Variants in USP12 observed in about 807,000 individuals in gnomAD.
The protein encoded by USP12 is ubiquitin specific peptidase 12.
In USP12, 19 loss-of-function variants were observed where a neutral mutation model predicts 45.5. The observed-to-expected ratio is 0.42, with a 90% confidence interval of 0.29 to 0.61. USP12 has a LOEUF of 0.61. Ranked by LOEUF, USP12 falls within the 20% of genes least tolerant of loss-of-function variation. The probability of loss-of-function intolerance (pLI) is 0.22; values close to 1 mark genes in which losing one functional copy is unlikely to be tolerated. For missense variants in USP12, 242 were observed against 447.7 expected, an observed-to-expected ratio of 0.54 and a Z score of 4.15; for synonymous variants, 149 against 148.8, an observed-to-expected ratio of 1.00 and a Z score of -0.01.
chr13:27,089,727 A>C lies in USP12; in HGVS notation c.734+156T>G, dbSNP rs1874228769. On this transcript the variant is annotated intron_variant, in intron 6 of 8. Transcript: ENST00000282344. ...TAAAATAAACATTGAGTAGAATATCATTTACCTAGTAATACTTAATGAACA... is the reference window on the plus strand; with the variant it reads ...TAAAATAAACATTGAGTAGAATATCCTTTACCTAGTAATACTTAATGAACA... The C allele has an allele frequency of 6.0e-6, 4 of 662,324 alleles. No homozygotes were observed. In the East Asian group the frequency reaches 1.1e-4, roughly 18 times the overall value. The allele number at this position is 662,324 out of a possible 1,614,324, so 41.0% of individuals were successfully genotyped here.
intron 3 of USP12, among the ~76,000 whole-genome samples, chr13:27,098,207 T>C (rs1421495725): frequency 6.6e-6 from 1 of 152,126 alleles, no homozygotes; most frequent in East Asian, 1.9e-4. Context: ...TAATTGTTGT[T>C]GCTACTGAAC....
intron 3 of USP12, among the ~76,000 whole-genome samples, chr13:27,101,597 T>C (rs972727670): frequency 2.0e-5 from 3 of 152,186 alleles, no homozygotes; most frequent in African/African-American, 7.2e-5. Context: ...AATTTCATTA[T>C]TAAATAAATG....
chr13:27,115,496 T>C (rs1875684277), intron 2 of USP12, among the ~76,000 whole-genome samples: 1 of 152,146 alleles, frequency 6.6e-6, no homozygotes, highest in African/African-American at 2.4e-5. Flanking sequence ...AGTCCACCAA[T>C]CTGTTCAATA....
At chr13:27,080,089 C>CCCCA (rs1452805203) in intron 6 of USP12, among the ~76,000 whole-genome samples, 4 of 152,136 alleles carry the variant, frequency 2.6e-5, no homozygotes, top group African/African-American at 9.7e-5. Flanking sequence ...TCATGACATA[C>CCCCA]CCCAACATGT....
In USP12 at chr13:27,104,610, AT is replaced by A. The variant is rs531122102; in HGVS notation, c.343+1120del. Among the ~76,000 whole-genome samples the A allele has an allele frequency of 1.8e-4, 28 of 152,370 alleles. No individual in the cohort carries two copies. In the South Asian group the frequency reaches 5.8e-3, roughly 32 times the overall value. ...ATTTTTATGAGCAATTAATCAAATT[AT>A]TCTACATGTGTATGTGGGGAAAATG... On this transcript the variant is annotated intron_variant, in intron 3 of 8. Coordinates refer to ENST00000282344, the MANE Select transcript of USP12 (RefSeq NM_182488.4).
intron 6 of USP12, among the ~76,000 whole-genome samples, chr13:27,081,901 C>A (rs1423285476): frequency 6.6e-6 from 1 of 152,174 alleles, no homozygotes; most frequent in African/African-American, 2.4e-5. Context: ...TAGGTCTCAA[C>A]AGTGAGCTTA....
intron 7 of USP12, among the ~76,000 whole-genome samples, chr13:27,071,877 T>C (rs1873259331): frequency 6.6e-6 from 1 of 152,152 alleles, no homozygotes; most frequent in Non-Finnish European, 1.5e-5. Flanking sequence ...TTAAGTATGG[T>C]TCATTATAAA....
At chr13:27,124,912 C>A (rs1301147335) in intron 1 of USP12, among the ~76,000 whole-genome samples, 1 of 152,194 alleles carries the variant, frequency 6.6e-6, no homozygotes, top group Non-Finnish European at 1.5e-5. Flanking sequence ...ACACATTATA[C>A]AATGAGTTTG....
At chr13:27,096,624 T>C (rs2497962) in intron 3 of USP12, among the ~76,000 whole-genome samples, 11,114 of 152,184 alleles carry the variant, frequency 0.073, 496 homozygotes, top group African/African-American at 0.12. Context: ...TTTGTAAACA[T>C]GAAAATGGGA....
chr13:27,090,218 T>A, intron 4 of USP12, 60 bp from the exon 5 acceptor site: 1 of 1,353,204 alleles, frequency 7.4e-7, no homozygotes, highest in Non-Finnish European at 1.0e-6. Flanking sequence ...CAGTTCCCAA[T>A]TAACAGAATT....
chr13:27,146,995 T>C (rs909660349), intron 1 of USP12, among the ~76,000 whole-genome samples: 1 of 152,200 alleles, frequency 6.6e-6, no homozygotes. Context: ...TGCCTGAGGC[T>C]GCCGGAAGCA....
chr13:27,085,815 A>G (rs530598731), intron 6 of USP12, among the ~76,000 whole-genome samples: 2 of 152,214 alleles, frequency 1.3e-5, no homozygotes, highest in South Asian at 2.1e-4. Context: ...AAAAATCTAA[A>G]TTGTTGGATT....
intron 1 of USP12, among the ~76,000 whole-genome samples, chr13:27,130,343 G>C (rs1876435375): frequency 6.6e-6 from 1 of 152,102 alleles, no homozygotes; most frequent in South Asian, 2.1e-4. Context: ...AGTCATAGCT[G>C]TCCAGAGATA....
intron 1 of USP12, among the ~76,000 whole-genome samples, chr13:27,128,000 A>G (rs190747714): frequency 6.6e-6 from 1 of 152,368 alleles, no homozygotes; most frequent in East Asian, 1.9e-4. Context: ...CATGTCAAAA[A>G]GCACAGTATT....
At chr13:27,121,802 A>C (rs1876003544) in intron 1 of USP12, among the ~76,000 whole-genome samples, 1 of 152,012 alleles carries the variant, frequency 6.6e-6, no homozygotes, top group Non-Finnish European at 1.5e-5. Flanking sequence ...CAGAGCTTGC[A>C]GTGAGCCGAG....
intron 3 of USP12, among the ~76,000 whole-genome samples, chr13:27,096,601 G>T (rs1306359710): frequency 6.6e-6 from 1 of 152,094 alleles, no homozygotes; most frequent in Non-Finnish European, 1.5e-5. Flanking sequence ...ATGTAATATT[G>T]TTATTAACTT....
Position 27,153,788 on chromosome 13 carries a change from T to C in USP12, c.48+17804A>G, listed in dbSNP as rs117254740. ...CCCATACACCAATATTTACTGGGTA[T>C]TCTTTCCTGTCTTCCTTATCATCTC... is the stretch of plus-strand genomic sequence containing the variant. On this transcript the variant is annotated intron_variant, in intron 1 of 8. Coordinates refer to ENST00000282344, the MANE Select transcript of USP12 (RefSeq NM_182488.4). 1.3e-3 allele frequency among the ~76,000 whole-genome samples: 204 copies of C among 152,332 alleles called. 4 individuals carry two copies. The East Asian group carries it at 0.033, about 24-fold the overall frequency.
rs1384368465 is a variant in USP12, at chr13:27,105,768, G to A, written c.306C>T (p.Pro102=). The A allele has an allele frequency of 8.1e-6, 13 of 1,613,588 alleles. No individual in the cohort carries two copies. Among genetic ancestry groups the A allele is most frequent in the Admixed American group, 1.7e-5 (1 of 59,968 alleles). ...GTAATCTTGTGATGAACTTCTTAGG[G>A]GGTATTACTCCAACCTTTTTCTTCT... The part of the protein sequence containing the change: ...ATQKKKVGVI[P]PKKFITRLRK... Residue 102 remains proline (P), a synonymous_variant, in exon 3 of 9, where the codon CCC becomes CCT. Transcript: ENST00000282344.
chr13:27,128,509 C>T (rs146214343), intron 1 of USP12, among the ~76,000 whole-genome samples: 91 of 152,114 alleles, frequency 6.0e-4, no homozygotes, highest in Non-Finnish European at 1.2e-3. Flanking sequence ...ATCTGAACTC[C>T]GTAACTGGCA....
Sources: gnomAD v4.1 joint callset for allele counts (sites outside exome capture counted in the v4.1 genomes callset) on GRCh38, gnomAD v4.1.1 for gene constraint, MANE v1.5 for transcripts, NCBI Gene and HGNC (gene_info 2026-07-23, HGNC 2026-07-21) for gene names.